The following KCNMB2 variants were observed in gnomAD, a reference collection of about 807,000 sequenced individuals.
KCNMB2 encodes the protein potassium calcium-activated channel subfamily M regulatory beta subunit 2.
Under a neutral mutation model 24.5 loss-of-function variants are expected in KCNMB2, and 9 were observed. That is an observed-to-expected ratio of 0.37 (90% CI 0.22 to 0.64). The LOEUF is 0.64. Ranked by LOEUF, KCNMB2 falls within the 30% of genes least tolerant of loss-of-function variation. The probability of loss-of-function intolerance (pLI) is 0.63; values close to 1 mark genes in which losing one functional copy is unlikely to be tolerated. For missense variants in KCNMB2, 226 were observed against 284.3 expected (o/e 0.79, Z 1.47); for synonymous variants, 109 against 104.4 (o/e 1.04, Z -0.27).
intron 1 of KCNMB2, among the ~76,000 whole-genome samples, chr3:178,699,548 T>C (rs1354238420): frequency 3.3e-5 from 5 of 152,120 alleles, no homozygotes; most frequent in East Asian, 3.9e-4. Context: ...ACAGAAGCTA[T>C]GGTGTGGGCC....
rs968331750 is a variant in KCNMB2, at chr3:178,682,810, A to T, written c.-67-124533A>T. 2.6e-5 allele frequency among the ~76,000 whole-genome samples: 4 copies of T among 152,260 alleles called. No homozygotes were observed. In the East Asian group the frequency reaches 7.7e-4, roughly 29 times the overall value. The stretch of plus-strand genomic sequence containing the variant: ...CAGGGAAATGCAAATCAAAACCACA[A>T]TGAGATACCATCTCACATCAGTCAA... On this transcript the variant is annotated intron_variant, in intron 1 of 4. Coordinates refer to ENST00000452583, the MANE Select transcript of KCNMB2 (RefSeq NM_181361.3).
At chr3:178,788,054 C>T (rs1307311984) in intron 1 of KCNMB2, among the ~76,000 whole-genome samples, 1 of 152,100 alleles carries the variant, frequency 6.6e-6, no homozygotes, top group Non-Finnish European at 1.5e-5. Flanking sequence ...ATCTCAAGTT[C>T]TTCTCCATAA....
intron 1 of KCNMB2, among the ~76,000 whole-genome samples, chr3:178,715,667 T>C (rs1484152012): frequency 6.6e-6 from 1 of 152,182 alleles, no homozygotes; most frequent in Non-Finnish European, 1.5e-5. Flanking sequence ...TATTGTTATA[T>C]CCAACTGGGA....
chr3:178,716,154 G>T (rs779377726), intron 1 of KCNMB2, among the ~76,000 whole-genome samples: 2 of 152,136 alleles, frequency 1.3e-5, no homozygotes, highest in African/African-American at 4.8e-5. Context: ...TCACATACCC[G>T]CTAACAGTGA....
chr3:178,768,536 T>C (rs1303562708), intron 1 of KCNMB2, among the ~76,000 whole-genome samples: 1 of 152,226 alleles, frequency 6.6e-6, no homozygotes, highest in Non-Finnish European at 1.5e-5. Context: ...TATTTTTGTT[T>C]TCTATAATAC....
At chr3:178,612,903 T>G (rs1718543212) in intron 1 of KCNMB2, among the ~76,000 whole-genome samples, 1 of 152,194 alleles carries the variant, frequency 6.6e-6, no homozygotes, top group East Asian at 1.9e-4. Flanking sequence ...TTTGTGTATC[T>G]ATTGTGTGTT....
intron 1 of KCNMB2, among the ~76,000 whole-genome samples, chr3:178,613,338 C>G (rs149839669): frequency 2.0e-5 from 3 of 152,138 alleles, no homozygotes; most frequent in Non-Finnish European, 4.4e-5. Context: ...CAGAGGTTGC[C>G]GTGAGCCAAG....
At chr3:178,670,303 G>T (rs763116487) in intron 1 of KCNMB2, among the ~76,000 whole-genome samples, 1 of 151,878 alleles carries the variant, frequency 6.6e-6, no homozygotes, top group African/African-American at 2.4e-5. Flanking sequence ...AGCACCTCTG[G>T]GCTCTACCCA....
At position 178,703,566 on chromosome 3, in the gene KCNMB2, A is replaced by C. The variant is rs979504159; in HGVS notation, c.-67-103777A>C. Among the ~76,000 whole-genome samples the C allele has an allele frequency of 6.6e-5, 10 of 152,196 alleles. No individual in the cohort carries two copies. The East Asian group carries it at 1.9e-3, about 29-fold the overall frequency. ...TTATTCATGTTGAAATTGATAAAGA[A>C]ACCAAGGGTTTTAATCACAGCAAAG... On this transcript the variant is annotated intron_variant, in intron 1 of 4. Transcript: ENST00000452583.
At chr3:178,538,388 T>A (rs1189986678) in intron 1 of KCNMB2, among the ~76,000 whole-genome samples, 1 of 152,238 alleles carries the variant, frequency 6.6e-6, no homozygotes, top group Non-Finnish European at 1.5e-5. Flanking sequence ...CAAGAATGCA[T>A]GTATAGAAAG....
chr3:178,714,274 G>A (rs141048991), intron 1 of KCNMB2, among the ~76,000 whole-genome samples: 27 of 152,038 alleles, frequency 1.8e-4, no homozygotes, highest in African/African-American at 6.0e-4. Flanking sequence ...CTATGCATTC[G>A]GTCCTATGCT....
At chr3:178,759,333 A>AAGAGGATATATATATATATC (rs1711575858) in intron 1 of KCNMB2, among the ~76,000 whole-genome samples, 1 of 58,258 alleles carries the variant, frequency 1.7e-5, no homozygotes, top group Non-Finnish European at 3.5e-5. Context: ...ATATATATAT[A>AAGAGGATATATATATATATC]TCTCCAAGAG....
intron 1 of KCNMB2, among the ~76,000 whole-genome samples, chr3:178,613,840 T>C (rs1718582936): frequency 6.6e-6 from 1 of 152,274 alleles, no homozygotes; most frequent in South Asian, 2.1e-4. Context: ...ATAACCATCT[T>C]GTACGTGGAT....
At chr3:178,676,610 T>C (rs976362235) in intron 1 of KCNMB2, among the ~76,000 whole-genome samples, 13 of 152,294 alleles carry the variant, frequency 8.5e-5, no homozygotes, top group African/African-American at 3.1e-4. Context: ...CTTGAGTTTT[T>C]TTATTGTCAC....
chr3:178,629,112 C>T (rs1341950532), intron 1 of KCNMB2, among the ~76,000 whole-genome samples: 1 of 152,142 alleles, frequency 6.6e-6, no homozygotes, highest in Non-Finnish European at 1.5e-5. Flanking sequence ...TAACCCCCAA[C>T]TCCCTATTTC....
At chr3:178,596,742 G>T (rs187890984) in intron 1 of KCNMB2, among the ~76,000 whole-genome samples, 2 of 151,806 alleles carry the variant, frequency 1.3e-5, no homozygotes, top group African/African-American at 2.4e-5. Flanking sequence ...AATTAGTGAA[G>T]TTCAGGAATG....
At chr3:178,597,076 A>G (rs1717904723) in intron 1 of KCNMB2, among the ~76,000 whole-genome samples, 2 of 152,172 alleles carry the variant, frequency 1.3e-5, no homozygotes, top group Non-Finnish European at 2.9e-5. Context: ...GAGGAGACTC[A>G]TAAAAGAACA....
chr3:178,553,302 G>A (rs753888483), intron 1 of KCNMB2, among the ~76,000 whole-genome samples: 9 of 152,132 alleles, frequency 5.9e-5, no homozygotes, highest in Non-Finnish European at 1.3e-4. Context: ...CTGGTTTGTG[G>A]CTAGTCTTAA....
At chr3:178,701,364 G>A (rs1324925314) in intron 1 of KCNMB2, among the ~76,000 whole-genome samples, 12 of 152,262 alleles carry the variant, frequency 7.9e-5, no homozygotes, top group Middle Eastern at 3.4e-3. Context: ...CTGTAGCCTT[G>A]TAGTATAGTT....
Sources: gnomAD v4.1 joint callset for allele counts (sites outside exome capture counted in the v4.1 genomes callset) on GRCh38, gnomAD v4.1.1 for gene constraint, MANE v1.5 for transcripts, NCBI Gene and HGNC (gene_info 2026-07-23, HGNC 2026-07-21) for gene names.